The following CLGN variants were observed in gnomAD, a reference collection of about 807,000 sequenced individuals.
CLGN encodes the protein testis tissue sperm-binding protein Li 79P.
In CLGN, 62 loss-of-function variants were observed where a neutral mutation model predicts 79.1. The observed-to-expected ratio is 0.78, with a 90% CI of 0.64 to 0.97. The LOEUF (loss-of-function observed/expected upper bound fraction) is 0.97. Ranked by LOEUF, CLGN falls within the 50% of genes least tolerant of loss-of-function variation. CLGN has a pLI of 0.00. For synonymous variants in CLGN, 225 were observed against 224.7 expected (o/e 1.00, Z -0.01); for missense variants, 647 against 715.5 (o/e 0.90, Z 1.09).
chr4:140,416,136 A>G (rs374510859), intron 1 of CLGN, among the ~76,000 whole-genome samples: 2,195 of 40,548 alleles, frequency 0.054, 116 homozygotes, highest in East Asian at 0.16. Context: ...AGAAATAAAG[A>G]TGTTCTTTGA....
chr4:140,427,442 G>A (rs1396477378), intron 1 of CLGN, 95 bp downstream of exon 1: 3 of 152,376 alleles, frequency 2.0e-5, no homozygotes, highest in Non-Finnish European at 4.4e-5. Flanking sequence ...AAGTAACGGG[G>A]TGCCTGGGGG....
chr4:140,404,981 G>A (rs925927800), intron 5 of CLGN, among the ~76,000 whole-genome samples: 3 of 151,712 alleles, frequency 2.0e-5, no homozygotes, highest in Admixed American at 1.3e-4. Flanking sequence ...AGGTGGAGAG[G>A]TTGAAAGAAA....
chr4:140,425,581 C>T (rs903903268), intron 1 of CLGN, among the ~76,000 whole-genome samples: 1 of 149,002 alleles, frequency 6.7e-6, no homozygotes, highest in Non-Finnish European at 1.5e-5. Context: ...TTTTCCAACA[C>T]TATAGTCACT....
intron 1 of CLGN, among the ~76,000 whole-genome samples, chr4:140,419,588 G>T (rs1473925362): frequency 1.3e-5 from 2 of 152,082 alleles, no homozygotes; most frequent in African/African-American, 4.8e-5. Context: ...TAATGTGGTA[G>T]AGTTTTACTA....
At chr4:140,393,020 G>A (rs762186340) in intron 11 of CLGN, among the ~76,000 whole-genome samples, 3 of 151,976 alleles carry the variant, frequency 2.0e-5, no homozygotes, top group Non-Finnish European at 2.9e-5. Flanking sequence ...TTTTATGGAT[G>A]TATTACCTGG....
At chr4:140,416,577 C>T (rs1729337005) in intron 1 of CLGN, among the ~76,000 whole-genome samples, 1 of 151,168 alleles carries the variant, frequency 6.6e-6, no homozygotes, top group African/African-American at 2.4e-5. Flanking sequence ...AACACCTCTA[C>T]ACAAATAAAC....
At chr4:140,425,622 CTTTT>C (rs60198755) in intron 1 of CLGN, among the ~76,000 whole-genome samples, 38 of 97,174 alleles carry the variant, frequency 3.9e-4, no homozygotes, top group African/African-American at 6.3e-4. Context: ...TTTGTAATTC[CTTTT>C]TTTTTTTTTT....
chr4:140,397,423 T>C (rs1470716215), intron 8 of CLGN, among the ~76,000 whole-genome samples: 1 of 151,954 alleles, frequency 6.6e-6, no homozygotes, highest in African/African-American at 2.4e-5. Context: ...TAATTTTTCC[T>C]GGTTCTTGTG....
At position 140,389,149 on chromosome 4, in the gene CLGN, A is replaced by G; in HGVS notation, c.*75T>C. Reference sequence around the variant, plus strand: ...TAGAAACAGGATGTGCAGACTGATTAAAGTTCAGGTCTGGCATGCTGATTT... The same window carrying G: ...TAGAAACAGGATGTGCAGACTGATTGAAGTTCAGGTCTGGCATGCTGATTT... On this transcript the variant is annotated 3_prime_UTR_variant, in exon 15 of 15. Coordinates refer to ENST00000325617, the MANE Select transcript of CLGN (RefSeq NM_004362.3). The G allele has an allele frequency of 1.8e-6, 2 of 1,102,942 alleles. No homozygotes were observed. Among genetic ancestry groups the G allele is most frequent in the South Asian group, 2.5e-5 (2 of 79,954 alleles). The allele number at this position is 1,102,942 out of a possible 1,614,324, so 68.3% of individuals were successfully genotyped here.
At chr4:140,402,892 C>T (rs761178811) in intron 5 of CLGN, among the ~76,000 whole-genome samples, 1 of 151,818 alleles carries the variant, frequency 6.6e-6, no homozygotes, top group African/African-American at 2.4e-5. Flanking sequence ...TGAATTAAAT[C>T]AAAAAGACAT....
intron 11 of CLGN, among the ~76,000 whole-genome samples, chr4:140,393,494 A>G (rs999175759): frequency 1.3e-5 from 2 of 152,162 alleles, no homozygotes; most frequent in Non-Finnish European, 2.9e-5. Context: ...TAATATTTAG[A>G]TTATCATTGT....
chr4:140,401,325 T>C (rs2126620992), intron 6 of CLGN, among the ~76,000 whole-genome samples: 1 of 152,284 alleles, frequency 6.6e-6, no homozygotes, highest in East Asian at 1.9e-4. Context: ...GGCCTCTCCT[T>C]CACTTGATCC....
intron 8 of CLGN, 44 bp downstream of exon 8, chr4:140,398,807 C>A: frequency 6.6e-7 from 1 of 1,523,008 alleles, no homozygotes; most frequent in South Asian, 1.1e-5. Context: ...GTTTCATTAC[C>A]TAGTTATGCC....
intron 5 of CLGN, among the ~76,000 whole-genome samples, chr4:140,402,358 G>T (rs1002276475): frequency 1.3e-5 from 2 of 151,608 alleles, no homozygotes; most frequent in Non-Finnish European, 2.9e-5. Context: ...TTAAGCATAA[G>T]ATACTGTAAC....
At position 140,425,498 on chromosome 4, in the gene CLGN, C is replaced by T. The variant is rs113159357; in HGVS notation, c.-10+2039G>A. On this transcript the variant is annotated intron_variant, in intron 1 of 14. Transcript: ENST00000325617. Reference sequence around the variant, plus strand: ...TACAGGCATACCTCATTTTACTGCACGTTGATTTATTGCATTTTTCACAAA... The same window carrying T: ...TACAGGCATACCTCATTTTACTGCATGTTGATTTATTGCATTTTTCACAAA... Among the ~76,000 whole-genome samples, 66 of 150,212 alleles carry T rather than the reference C, an allele frequency of 4.4e-4. 1 individual carries two copies. Among genetic ancestry groups the T allele is most frequent in the African/African-American group, 1.5e-3 (62 of 40,868 alleles).
At chr4:140,410,155 A>G (rs1729183762) in intron 3 of CLGN, among the ~76,000 whole-genome samples, 1 of 152,012 alleles carries the variant, frequency 6.6e-6, no homozygotes, top group African/African-American at 2.4e-5. Flanking sequence ...CCACCTGTAA[A>G]ATGGGGATTA....
chr4:140,408,705 T>C (rs892244954), intron 4 of CLGN, among the ~76,000 whole-genome samples: 1 of 151,846 alleles, frequency 6.6e-6, no homozygotes, highest in Non-Finnish European at 1.5e-5. Context: ...AAGGGAACAT[T>C]TATACACTGC....
At chr4:140,394,351 T>C (rs575851513) in intron 10 of CLGN, among the ~76,000 whole-genome samples, 132 of 152,322 alleles carry the variant, frequency 8.7e-4, no homozygotes, top group African/African-American at 3.1e-3. Context: ...TTTAGTAAAG[T>C]TATTCATTGC....
chr4:140,405,931 G>A lies in CLGN; in HGVS notation c.419+11C>T, dbSNP rs200778935. On this transcript the variant is annotated intron_variant, in intron 5 of 14. Coordinates refer to ENST00000325617, the MANE Select transcript of CLGN (RefSeq NM_004362.3). Reference sequence around the variant, plus strand: ...TTCAGAAAAAGTATTCAAAAACATAGCAACACTTACTGAACTATCAAGGGT... The same window carrying A: ...TTCAGAAAAAGTATTCAAAAACATAACAACACTTACTGAACTATCAAGGGT... 1.0e-3 allele frequency: 1,608 copies of A among 1,599,164 alleles called. 6 individuals are homozygous for A. The highest frequency in any genetic ancestry group is 2.3e-3 in the South Asian group (198 of 87,376).
Sources: gnomAD v4.1 joint callset for allele counts (sites outside exome capture counted in the v4.1 genomes callset) on GRCh38, gnomAD v4.1.1 for gene constraint, MANE v1.5 for transcripts, NCBI Gene and HGNC (gene_info 2026-07-23, HGNC 2026-07-21) for gene names.